The following GSTO2 variants were observed in gnomAD, a reference collection of about 807,000 sequenced individuals.
GSTO2 encodes the protein glutathione S-transferase omega-2.
A neutral mutation model predicts 28.4 loss-of-function variants in GSTO2; 23 were observed. The ratio of observed to expected loss-of-function variants is 0.81; its 90% CI spans 0.58 to 1.15. GSTO2 has a LOEUF of 1.15. GSTO2 is among the 50% of genes most tolerant of loss of function. The probability of loss-of-function intolerance (pLI) is 0.00; values close to 1 mark genes in which losing one functional copy is unlikely to be tolerated. For synonymous variants in GSTO2, 109 were observed against 111.0 expected (o/e 0.98, Z 0.11); for missense variants, 298 against 297.8 (o/e 1.00, Z 0.00).
intron 5 of GSTO2, chr10:104,297,303 G>A (rs567179223): frequency 3.3e-6 from 1 of 307,216 alleles, no homozygotes; most frequent in Non-Finnish European, 6.4e-6. Context: ...GGGGTACTCT[G>A]TAGAGGTTGT....
chr10:104,299,449 T>G lies in GSTO2; in HGVS notation c.*165T>G. The G allele has an allele frequency of 1.3e-6, 1 of 745,978 alleles. No homozygotes were observed. Among genetic ancestry groups the G allele is most frequent in the Non-Finnish European group, 2.1e-6 (1 of 467,922 alleles). The allele number at this position is 745,978 out of a possible 1,614,324, so 46.2% of individuals were successfully genotyped here. The stretch of plus-strand genomic sequence containing the variant: ...CTGATAATCATTTGTCTGACTCCTC[T>G]AGCCTGTAGCTGCTGCTACTGCTGC... On this transcript the variant is annotated 3_prime_UTR_variant, in exon 7 of 7. Coordinates refer to ENST00000338595, the MANE Select transcript of GSTO2 (RefSeq NM_183239.2).
At chr10:104,275,411 G>A in intron 3 of GSTO2, 77 bp downstream of exon 3, 1 of 1,321,694 alleles carries the variant, frequency 7.6e-7, no homozygotes, top group Non-Finnish European at 1.1e-6. Flanking sequence ...CATCTGGGGC[G>A]CCCTGCTCAG....
Position 104,299,132 on chromosome 10 carries a change from G to T in GSTO2, c.580G>T (p.Val194Leu). 6.2e-7 allele frequency: 1 copy of T among 1,613,556 alleles called. No individual in the cohort carries two copies. The highest frequency in any genetic ancestry group is 8.5e-7 in the Non-Finnish European group (1 of 1,179,750). Residue 194 changes from valine to leucine, a missense_variant, in exon 7 of 7, where the codon GTG (valine) becomes TTG (leucine). Transcript: ENST00000338595. ...CGCTTCTTTCCTGTCTTGCAGCTGT[G>T]TGAGCCACACGCCAGCCCTGCGGCT... Reference protein sequence around the residue: ...RLDVYGILDCVSHTPALRLWI... With the variant: ...RLDVYGILDCLSHTPALRLWI...
intron 1 of GSTO2, among the ~76,000 whole-genome samples, chr10:104,270,761 G>C (rs1427910805): frequency 7.6e-6 from 1 of 132,440 alleles, no homozygotes; most frequent in African/African-American, 4.4e-5. Flanking sequence ...ATGTACTCCA[G>C]TCCAGTTTCT....
chr10:104,282,225 C>CAAAAAAAAAA (rs71022727), intron 5 of GSTO2, among the ~76,000 whole-genome samples: 4 of 88,956 alleles, frequency 4.5e-5, no homozygotes, highest in East Asian at 4.4e-4. Flanking sequence ...GACTCTGTTT[C>CAAAAAAAAAA]AAAAAAAAAA....
In GSTO2 at chr10:104,301,816, T is replaced by A. The variant is rs2013264319; in HGVS notation, c.*2532T>A. 6.6e-6 allele frequency: 1 copy of A among 152,200 alleles called. No homozygotes were observed. Among genetic ancestry groups the A allele is most frequent in the African/African-American group, 2.4e-5 (1 of 41,438 alleles). 9.4% of individuals were successfully genotyped at this position (152,200 alleles called of 1,614,324 possible). A position where few individuals can be genotyped will look rare whatever the true frequency, so the allele number is the denominator to read the frequency against. On this transcript the variant is annotated 3_prime_UTR_variant, in exon 7 of 7. Transcript: ENST00000338595. ...CTGGTCTTGAACTCCTGGCTTCAAG[T>A]GATCCTCCCATCTCGGCATCCCAAA...
At chr10:104,287,887 CTT>C (rs397760653) in intron 5 of GSTO2, among the ~76,000 whole-genome samples, 14 of 116,206 alleles carry the variant, frequency 1.2e-4, no homozygotes, top group Middle Eastern at 5.1e-3. Context: ...GAAAAAAACA[CTT>C]TTTTTTTTTT....
intron 5 of GSTO2, among the ~76,000 whole-genome samples, chr10:104,282,743 T>C (rs934039022): frequency 6.6e-6 from 1 of 152,094 alleles, no homozygotes; most frequent in Non-Finnish European, 1.5e-5. Context: ...GTAGGAGTTA[T>C]GGAGGATGGT....
rs1171312000 is a variant in GSTO2 at position 104,300,450 on chromosome 10, T to G, written c.*1166T>G. Reference sequence around the variant, plus strand: ...TCCCTGGGAGCCCCCATCTCTCCACTTATCTTGGTTGAGGTTTTAAACCTA... The same window carrying G: ...TCCCTGGGAGCCCCCATCTCTCCACGTATCTTGGTTGAGGTTTTAAACCTA... On this transcript the variant is annotated 3_prime_UTR_variant, in exon 7 of 7. Transcript: ENST00000338595. 9 of 152,264 alleles carry G rather than the reference T, an allele frequency of 5.9e-5. No homozygotes were observed. The highest frequency in any genetic ancestry group is 5.9e-4 in the Admixed American group (9 of 15,282). The allele number at this position is 152,264 out of a possible 1,614,324, so 9.4% of individuals were successfully genotyped here.
chr10:104,281,564 G>T (rs1207358950), intron 5 of GSTO2, among the ~76,000 whole-genome samples: 2 of 152,170 alleles, frequency 1.3e-5, no homozygotes, highest in Non-Finnish European at 2.9e-5. Flanking sequence ...TCAGTCGGGG[G>T]TCTTTTCCAG....
intron 5 of GSTO2, 44 bp downstream of exon 5, chr10:104,279,515 G>T: frequency 1.4e-6 from 2 of 1,389,908 alleles, no homozygotes; most frequent in African/African-American, 1.4e-5. Flanking sequence ...AGTGGAGGAA[G>T]CTAGGCAGGG....
At chr10:104,284,448 C>A (rs1027493992) in intron 5 of GSTO2, among the ~76,000 whole-genome samples, 1 of 152,206 alleles carries the variant, frequency 6.6e-6, no homozygotes. Flanking sequence ...TTTTACAATT[C>A]TTTGAGATAT....
At chr10:104,272,010 T>C (rs1342072522) in intron 1 of GSTO2, among the ~76,000 whole-genome samples, 1 of 152,262 alleles carries the variant, frequency 6.6e-6, no homozygotes, top group East Asian at 1.9e-4. Flanking sequence ...CAACGTGATA[T>C]GTGAAAATTA....
In GSTO2 at chr10:104,274,636, A is replaced by G. The variant is rs557674749; in HGVS notation, c.-231-49A>G. 899 of 551,134 alleles carry G rather than the reference A, an allele frequency of 1.6e-3. 3 individuals carry two copies. Among genetic ancestry groups the G allele is most frequent in the Non-Finnish European group, 1.9e-3 (611 of 313,574 alleles). 34.1% of individuals were successfully genotyped at this position (551,134 alleles called of 1,614,324 possible). A position where few individuals can be genotyped will look rare whatever the true frequency, so the allele number is the denominator to read the frequency against. On this transcript the variant is annotated intron_variant, in intron 1 of 6. Coordinates refer to ENST00000338595, the MANE Select transcript of GSTO2 (RefSeq NM_183239.2). ...AAAGCTTTAAGCACATGTCCAGAGC[A>G]AGGGGGAGCTTTTCTGGTGTTATTT...
intron 1 of GSTO2, among the ~76,000 whole-genome samples, chr10:104,274,153 A>T (rs903753597): frequency 8.5e-5 from 13 of 152,134 alleles, no homozygotes; most frequent in Admixed American, 1.3e-4. Context: ...GTTCTCAAAA[A>T]TTTATGCTGG....
At chr10:104,297,881 C>T (rs1438449618) in intron 6 of GSTO2, among the ~76,000 whole-genome samples, 197 bp downstream of exon 6, 1 of 152,172 alleles carries the variant, frequency 6.6e-6, no homozygotes, top group African/African-American at 2.4e-5. Context: ...ACTTTGCCCG[C>T]ATTTCTGCAG....
intron 1 of GSTO2, among the ~76,000 whole-genome samples, chr10:104,272,767 C>T: frequency 6.6e-6 from 1 of 151,708 alleles, no homozygotes; most frequent in Non-Finnish European, 1.5e-5. Flanking sequence ...GCGCCTGCCA[C>T]CGCGCCCGGC....
intron 5 of GSTO2, chr10:104,286,045 C>G (rs2012403029): frequency 1.2e-5 from 3 of 255,006 alleles, no homozygotes; most frequent in South Asian, 7.0e-5. Flanking sequence ...TCTAAGTTAA[C>G]ATGTCTATAA....
rs202018124 is a variant in GSTO2, at chr10:104,275,209, C to T, written c.35-17C>T. The T allele has an allele frequency of 3.5e-5, 56 of 1,604,716 alleles. No individual in the cohort carries two copies. The Admixed American group carries it at 7.0e-4, about 20-fold the overall frequency. On this transcript the variant is annotated splice_polypyrimidine_tract_variant and intron_variant, in intron 2 of 6. Transcript: ENST00000338595. The stretch of plus-strand genomic sequence containing the variant: ...TAGCCTCTCCTTTCCCTGTCCCCCT[C>T]CATCGCTGCTCTGCAGGAAGCCAGC...
Sources: allele counts gnomAD v4.1 joint callset (sites outside exome capture counted in the v4.1 genomes callset), GRCh38; gene constraint gnomAD v4.1.1; transcripts MANE v1.5; gene names NCBI Gene and HGNC (gene_info 2026-07-23, HGNC 2026-07-21).